ADAM22: variants seen among roughly 807,000 people sequenced by gnomAD.
ADAM22 encodes ADAM metallopeptidase domain 22.
Under a neutral mutation model 144.6 loss-of-function variants are expected in ADAM22, and 65 were observed. The observed-to-expected ratio is 0.45, with a 90% CI of 0.37 to 0.55. The LOEUF (loss-of-function observed/expected upper bound fraction) is 0.55, where lower values mean the gene tolerates loss of function less well. ADAM22 is among the 20% of genes least tolerant of loss of function. ADAM22 has a pLI of 0.00. For synonymous variants in ADAM22, 391 were observed against 412.6 expected (o/e 0.95, Z 0.63); for missense variants, 974 against 1,184.9 (o/e 0.82, Z 2.61).
chr7:88,175,401 A>G (rs1437885508), intron 26 of ADAM22, among the ~76,000 whole-genome samples: 1 of 152,212 alleles, frequency 6.6e-6, no homozygotes, highest in Admixed American at 6.5e-5. Context: ...CCTAGAGAAT[A>G]GGAAATACCT....
At chr7:87,999,835 G>A (rs1435961881) in intron 3 of ADAM22, among the ~76,000 whole-genome samples, 1 of 151,828 alleles carries the variant, frequency 6.6e-6, no homozygotes. Flanking sequence ...TGCCAGCTTG[G>A]TGCAGTGGCA....
chr7:88,181,728 T>C, intron 28 of ADAM22, 123 bp downstream of exon 28: 1 of 896,936 alleles, frequency 1.1e-6, no homozygotes, highest in Non-Finnish European at 1.7e-6. Flanking sequence ...GAGAGGAGAA[T>C]ATGTAGAATG....
chr7:88,176,898 G>A (rs1845807879), intron 26 of ADAM22, among the ~76,000 whole-genome samples: 1 of 152,156 alleles, frequency 6.6e-6, no homozygotes, highest in African/African-American at 2.4e-5. Context: ...CTGAGTAGCT[G>A]GGATTACAGG....
At chr7:88,111,444 T>C (rs902980860) in intron 5 of ADAM22, among the ~76,000 whole-genome samples, 1 of 152,198 alleles carries the variant, frequency 6.6e-6, no homozygotes, top group Non-Finnish European at 1.5e-5. Flanking sequence ...CGTATATCTT[T>C]CCCATAAAGA....
intron 2 of ADAM22, among the ~76,000 whole-genome samples, chr7:87,975,374 C>T (rs1435630810): frequency 6.6e-6 from 1 of 152,132 alleles, no homozygotes; most frequent in Non-Finnish European, 1.5e-5. Context: ...CTACTTTGTC[C>T]CCCAAATCTA....
At chr7:88,014,310 G>T (rs942510609) in intron 3 of ADAM22, among the ~76,000 whole-genome samples, 2 of 152,144 alleles carry the variant, frequency 1.3e-5, no homozygotes, top group African/African-American at 4.8e-5. Flanking sequence ...AATATAATGG[G>T]CCCGATGCTG....
At chr7:88,059,579 A>G (rs1202395982) in intron 3 of ADAM22, among the ~76,000 whole-genome samples, 1 of 152,234 alleles carries the variant, frequency 6.6e-6, no homozygotes, top group Non-Finnish European at 1.5e-5. Flanking sequence ...TGTTCAATGA[A>G]GCACTACTCA....
At chr7:88,107,670 C>T (rs1275975231) in intron 4 of ADAM22, among the ~76,000 whole-genome samples, 2 of 152,072 alleles carry the variant, frequency 1.3e-5, no homozygotes, top group African/African-American at 4.8e-5. Flanking sequence ...ACTGCAGCCT[C>T]AAACTCCTGG....
chr7:87,947,548 T>A (rs1004510549), intron 2 of ADAM22, among the ~76,000 whole-genome samples: 4 of 152,028 alleles, frequency 2.6e-5, no homozygotes, highest in African/African-American at 9.7e-5. Context: ...GGAGAGGATA[T>A]TGGTGCCGAG....
intron 26 of ADAM22, among the ~76,000 whole-genome samples, chr7:88,171,791 C>A (rs2129534250): frequency 6.6e-6 from 1 of 151,784 alleles, no homozygotes; most frequent in East Asian, 1.9e-4. Flanking sequence ...TCCAACGATA[C>A]TACAATTAGT....
At chr7:88,041,686 T>A (rs1803169750) in intron 3 of ADAM22, among the ~76,000 whole-genome samples, 1 of 151,998 alleles carries the variant, frequency 6.6e-6, no homozygotes, top group African/African-American at 2.4e-5. Flanking sequence ...TTTAACATGC[T>A]TTTTTCCCTA....
At position 88,162,616 on chromosome 7, in the gene ADAM22, A is replaced by G. The variant is rs548550154; in HGVS notation, c.1908-396A>G. ...TCTAAATAATATATGCAGGTTTGCT[A>G]TATTGAATAGTGATATACAATAGTT... On this transcript the variant is annotated intron_variant, in intron 22 of 31. Transcript: ENST00000413139. 1.1e-4 allele frequency among the ~76,000 whole-genome samples: 16 copies of G among 152,238 alleles called. No individual in the cohort carries two copies. The East Asian group carries it at 3.1e-3, about 29-fold the overall frequency.
At chr7:88,131,510 C>T in intron 11 of ADAM22, 75 bp downstream of exon 11, 1 of 1,457,310 alleles carries the variant, frequency 6.9e-7, no homozygotes, top group Non-Finnish European at 9.5e-7. Flanking sequence ...GAAATGTATC[C>T]TTTCTGCTAC....
intron 4 of ADAM22, among the ~76,000 whole-genome samples, chr7:88,105,660 G>T (rs1824174184): frequency 6.6e-6 from 1 of 152,144 alleles, no homozygotes; most frequent in Non-Finnish European, 1.5e-5. Context: ...TAACTCACAG[G>T]TTCGAGGTTC....
intron 2 of ADAM22, among the ~76,000 whole-genome samples, chr7:87,972,805 T>A (rs1180121829): frequency 6.6e-6 from 1 of 152,204 alleles, no homozygotes; most frequent in African/African-American, 2.4e-5. Context: ...TACAACTATC[T>A]GATCTTTGAC....
chr7:88,199,016 A>G lies in ADAM22; in HGVS notation c.*2525A>G, dbSNP rs1251460959. 6.6e-6 allele frequency: 1 copy of G among 152,182 alleles called. No homozygotes were observed. The highest frequency in any genetic ancestry group is 6.5e-5 in the Admixed American group (1 of 15,274). The allele number at this position is 152,182 out of a possible 1,614,324, so 9.4% of individuals were successfully genotyped here. On this transcript the variant is annotated 3_prime_UTR_variant, in exon 32 of 32. Transcript: ENST00000413139. ...TTAGAGCCATTTGTGGGATTCATTG[A>G]CAAATTTATAGTCTCAAGGGAGAGT...
intron 3 of ADAM22, among the ~76,000 whole-genome samples, chr7:88,047,103 A>G (rs1804881812): frequency 6.6e-6 from 1 of 152,132 alleles, no homozygotes; most frequent in Non-Finnish European, 1.5e-5. Context: ...ACCAAATGAG[A>G]TCATATTTAT....
chr7:88,142,443 A>G (rs1461689324), intron 14 of ADAM22, among the ~76,000 whole-genome samples: 2 of 152,214 alleles, frequency 1.3e-5, no homozygotes, highest in East Asian at 1.9e-4. Context: ...AAGACTCATT[A>G]TAAAATAAAT....
At chr7:87,974,345 C>G (rs1851361811) in intron 2 of ADAM22, among the ~76,000 whole-genome samples, 1 of 151,544 alleles carries the variant, frequency 6.6e-6, no homozygotes, top group Non-Finnish European at 1.5e-5. Flanking sequence ...AAAGAAGCAC[C>G]ATATTTCTTC....
Sources: allele counts gnomAD v4.1 joint callset (sites outside exome capture counted in the v4.1 genomes callset), GRCh38; gene constraint gnomAD v4.1.1; transcripts MANE v1.5; gene names NCBI Gene and HGNC (gene_info 2026-07-23, HGNC 2026-07-21).